Variants in MGAM observed in about 807,000 individuals in gnomAD.
MGAM encodes the protein alpha-1,4-glucosidase.
A neutral mutation model predicts 358.8 loss-of-function variants in MGAM; 253 were observed. That is an observed-to-expected ratio of 0.71 (90% CI 0.64 to 0.78). The LOEUF (loss-of-function observed/expected upper bound fraction) is 0.78. Among genes scored for constraint, MGAM ranks in the 30% least tolerant of loss-of-function variants. MGAM has a pLI of 0.00. For missense variants in MGAM, 3,080 were observed against 3,432.6 expected, an observed-to-expected ratio of 0.90 and a Z score of 2.57; for synonymous variants, 1,105 against 1,227.1, an observed-to-expected ratio of 0.90 and a Z score of 2.08.
rs1318921925 is a variant in MGAM, at chr7:142,045,562, A to C, written c.2499-2223A>C. Among the ~76,000 whole-genome samples the C allele has an allele frequency of 7.9e-4, 3 of 3,786 alleles. 1 individual carries two copies. The Non-Finnish European group carries it at 0.01, about 13-fold the overall frequency. The allele number at this position is 3,786 out of a possible 152,430, so 2.5% of individuals were successfully genotyped here. ...TATTATATATACATACAATATATGA[A>C]TATATAATATATATTATATATACAT... On this transcript the variant is annotated intron_variant, in intron 21 of 70. Transcript: ENST00000475668.
At chr7:142,047,074 G>T (rs7800808) in intron 21 of MGAM, among the ~76,000 whole-genome samples, 1 of 152,102 alleles carries the variant, frequency 6.6e-6, no homozygotes, top group South Asian at 2.1e-4. Context: ...GAGAATATGA[G>T]ACCAGTGACA....
At position 142,065,436 on chromosome 7, in the gene MGAM, C is replaced by A. The variant is rs1456862416; in HGVS notation, c.4586C>A (p.Ala1529Asp). 1 of 1,609,854 alleles carries A rather than the reference C, an allele frequency of 6.2e-7. No homozygotes were observed. The highest frequency in any genetic ancestry group is 8.5e-7 in the Non-Finnish European group (1 of 1,178,056). ...GGACATTGGCTGGGAGACAACACGG[C>A]CGCATGGGATCAGCTGAAGAAGTCT... ...WAGHWLGDNT[A>D]AWDQLKKSII... Residue 1529 changes from alanine to aspartate, a missense_variant, in exon 38 of 71, where the codon GCC becomes GAC. By Grantham distance (126) the Ala-to-Asp change is moderately radical (BLOSUM62 -2). Around this residue, in one of 5 missense-constraint regions of MGAM, gnomAD observed 134 missense variants for 198.4 expected, o/e 0.68. Transcript: ENST00000475668.
chr7:142,088,871 A>ATCT (rs751892264), intron 57 of MGAM, among the ~76,000 whole-genome samples: 21 of 130,904 alleles, frequency 1.6e-4, no homozygotes, highest in African/African-American at 5.6e-4. Context: ...CTATCTATCT[A>ATCT]ATCTATCTCC....
chr7:142,078,394 A>G lies in MGAM; in HGVS notation c.5570A>G (p.Glu1857Gly), dbSNP rs761466570. ...TVEWSIKIRD[E>G]EKIDCYPDEN... ...GAGTGGAGCATAAAGATAAGGGATG[A>G]AGAAAAAATAGACTGTTACCCTGAT... Residue 1857 changes from glutamate to glycine, a missense_variant, in exon 48 of 71, where the codon GAA becomes GGA. Physicochemically the swap from Glu to Gly is moderately conservative, Grantham distance 98. This residue lies in a region of MGAM where 932 missense variants were observed against 1,198.2 expected (regional missense o/e 0.78). Transcript: ENST00000475668. 4 of 1,532,496 alleles carry G rather than the reference A, an allele frequency of 2.6e-6. No individual in the cohort carries two copies. In the South Asian group the frequency reaches 4.7e-5, roughly 18 times the overall value. 94.9% of individuals were successfully genotyped at this position (1,532,496 alleles called of 1,614,324 possible).
chr7:142,013,908 A>G (rs1387391124), intron 3 of MGAM, among the ~76,000 whole-genome samples: 2 of 152,012 alleles, frequency 1.3e-5, no homozygotes, highest in Non-Finnish European at 2.9e-5. Context: ...CTTTTTCTCT[A>G]TTTCCTAGGC....
intron 18 of MGAM, among the ~76,000 whole-genome samples, chr7:142,037,424 A>G (rs1808091958): frequency 6.6e-6 from 1 of 152,192 alleles, no homozygotes; most frequent in Non-Finnish European, 1.5e-5. Context: ...AGGATATTAT[A>G]AAGGATTTGT....
chr7:142,045,914 TATATATATTATGTATACATACAATATGTA>T (rs1563159823), intron 21 of MGAM, among the ~76,000 whole-genome samples: 4 of 27,218 alleles, frequency 1.5e-4, no homozygotes, highest in East Asian at 6.4e-4. Context: ...CAATATGTAA[TATATATATTATGTATACATACAATATGTA>T]ATATATATTA....
intron 36 of MGAM, 92 bp downstream of exon 36, chr7:142,063,678 G>GATGTGCCCTCA: frequency 7.2e-7 from 1 of 1,395,260 alleles, no homozygotes; most frequent in Non-Finnish European, 9.9e-7. Flanking sequence ...CACAGCTGAG[G>GATGTGCCCTCA]GCACATCCTC....
chr7:142,080,714 A>G (rs1222604081), intron 49 of MGAM, 77 bp from the exon 50 acceptor site: 2 of 1,314,492 alleles, frequency 1.5e-6, no homozygotes, highest in African/African-American at 2.8e-5. Context: ...CTTTTGTCCA[A>G]AAATCAAAAA....
chr7:141,991,302 A>AT (rs1554447264), upstream of MGAM, among the ~76,000 whole-genome samples: 1 of 152,110 alleles, frequency 6.6e-6, no homozygotes, highest in Non-Finnish European at 1.5e-5. Context: ...TATTGATGGA[A>AT]TTGTGTGGAG....
chr7:142,046,880 T>C (rs766409379), intron 21 of MGAM, among the ~76,000 whole-genome samples: 12 of 152,162 alleles, frequency 7.9e-5, no homozygotes, highest in Non-Finnish European at 1.8e-4. Context: ...GTGCCTATTT[T>C]TTCCTATAAT....
upstream of MGAM, among the ~76,000 whole-genome samples, chr7:141,993,528 T>C (rs1804033172): frequency 6.6e-6 from 1 of 152,210 alleles, no homozygotes; most frequent in South Asian, 2.1e-4. Flanking sequence ...AGATAACTCT[T>C]GGAGTATCAC....
rs761134123 is a variant in MGAM, at chr7:142,054,894, T to C, written c.3300T>C (p.Ser1100=). The change falls in exon 27 of 71, where the codon AGT becomes AGC. Residue 1100 remains serine (S), a synonymous_variant. Coordinates refer to ENST00000475668, the MANE Select transcript of MGAM (RefSeq NM_001365693.1). ...TTGGGATTGAAATTCGCCGGAAGAG[T>C]ACAGGCACTATAATGTGAGTGGCTT... ...NPFGIEIRRK[S]TGTIIWDSQL... The C allele has an allele frequency of 3.7e-6, 6 of 1,613,572 alleles. No homozygotes were observed. In the Admixed American group the frequency reaches 8.3e-5, roughly 22 times the overall value.
At chr7:142,017,473 T>A (rs1398561434) in intron 3 of MGAM, among the ~76,000 whole-genome samples, 2 of 152,244 alleles carry the variant, frequency 1.3e-5, no homozygotes, top group African/African-American at 4.8e-5. Flanking sequence ...GCTGGCATTT[T>A]TGAGTTGGCC....
At chr7:142,058,130 TCTTATTA>T in intron 30 of MGAM, 66 bp from the exon 31 acceptor site, 4 of 1,601,358 alleles carry the variant, frequency 2.5e-6, no homozygotes, top group Non-Finnish European at 2.6e-6. Flanking sequence ...AGAAAAATAT[TCTTATTA>T]CTTGATGTAA....
At chr7:142,060,572 G>A (rs1179239953) in intron 34 of MGAM, among the ~76,000 whole-genome samples, 199 bp downstream of exon 34, 5 of 152,246 alleles carry the variant, frequency 3.3e-5, no homozygotes, top group Non-Finnish European at 7.3e-5. Context: ...ATGTAGATAT[G>A]TATTATTATC....
Position 142,079,084 on chromosome 7 carries a change from A to G in MGAM, c.5847+76A>G, listed in dbSNP as rs958380897. The G allele has an allele frequency of 1.4e-5, 18 of 1,266,554 alleles. 1 individual carries two copies. The Admixed American group carries it at 3.7e-4, about 26-fold the overall frequency. 78.5% of individuals were successfully genotyped at this position (1,266,554 alleles called of 1,614,324 possible). A position where few individuals can be genotyped will look rare whatever the true frequency, so the allele number is the denominator to read the frequency against. ...TATCTTTTTCTGGTTCAGGTCACAC[A>G]ACCCTAAAATAAGTTAATCATGCTA... is the stretch of plus-strand genomic sequence containing the variant. On this transcript the variant is annotated intron_variant, in intron 49 of 70. Transcript: ENST00000475668.
At chr7:142,003,745 ATAGAG>A (rs1189990544) in intron 1 of MGAM, among the ~76,000 whole-genome samples, 1 of 151,926 alleles carries the variant, frequency 6.6e-6, no homozygotes, top group African/African-American at 2.4e-5. Context: ...AAAAAATAAA[ATAGAG>A]TAAACAGACA....
intron 7 of MGAM, among the ~76,000 whole-genome samples, chr7:142,023,698 G>GA (rs1424062627): frequency 6.6e-6 from 1 of 151,536 alleles, no homozygotes; most frequent in African/African-American, 2.4e-5. Context: ...GAGGTTGTAA[G>GA]AACAGAGGAA....
Sources: gnomAD v4.1 joint callset for allele counts (sites outside exome capture counted in the v4.1 genomes callset) on GRCh38, gnomAD v4.1.1 for gene constraint, gnomAD v4.1.1 regional missense constraint, MANE v1.5 for transcripts, NCBI Gene and HGNC (gene_info 2026-07-23, HGNC 2026-07-21) for gene names.